Variants in SSX2IP observed in about 807,000 individuals in gnomAD.
The protein encoded by SSX2IP is SSX family member 2 interacting protein.
SSX2IP carries 55 observed loss-of-function variants against 84.9 expected under a neutral mutation model. The ratio of observed to expected loss-of-function variants is 0.65; its 90% confidence interval spans 0.52 to 0.81. SSX2IP has a LOEUF of 0.81. SSX2IP is among the 30% of genes least tolerant of loss of function. The pLI is 0.00. For synonymous variants in SSX2IP, 239 were observed against 234.7 expected, an observed-to-expected ratio of 1.02 and a Z score of -0.17; for missense variants, 664 against 705.2, an observed-to-expected ratio of 0.94 and a Z score of 0.66.
In SSX2IP at chr1:84,670,666, T is replaced by G; in HGVS notation, c.193A>C (p.Ser65Arg). ...AFCTEDNIEQ[S>R]ISYLDQELTT... is the part of the protein sequence containing the mutation. ...GTTACCTGATCAAGATATGAGATAC[T>G]CTGTTCAATATTATCTTCTGTGCAG... The change falls in exon 3 of 14, where the codon AGT becomes CGT. Residue 65 changes from serine (S) to arginine (R), a missense_variant. Physicochemically the swap from Ser to Arg is moderately radical, Grantham distance 110 (BLOSUM62 -1). Transcript: ENST00000342203. 6.2e-7 allele frequency: 1 copy of G among 1,607,988 alleles called. No individual in the cohort carries two copies. Among genetic ancestry groups the G allele is most frequent in the Admixed American group, 1.7e-5 (1 of 59,466 alleles).
chr1:84,672,573 T>C (rs1364246084), intron 1 of SSX2IP, among the ~76,000 whole-genome samples: 1 of 152,170 alleles, frequency 6.6e-6, no homozygotes, highest in African/African-American at 2.4e-5. Context: ...ACACTTAAGA[T>C]CTGTGCACTT....
chr1:84,655,031 C>G (rs779067445), intron 11 of SSX2IP, among the ~76,000 whole-genome samples: 7 of 151,296 alleles, frequency 4.6e-5, no homozygotes, highest in Admixed American at 4.6e-4. Context: ...GGCAAGCAGA[C>G]GAACAAGAGG....
chr1:84,667,917 T>G (rs1652989405), intron 4 of SSX2IP, among the ~76,000 whole-genome samples: 1 of 152,180 alleles, frequency 6.6e-6, no homozygotes, highest in Non-Finnish European at 1.5e-5. Flanking sequence ...TTCCCTGGAC[T>G]GCAATCTCCT....
At position 84,647,531 on chromosome 1, in the gene SSX2IP, A is replaced by G; in HGVS notation, c.1747T>C (p.Trp583Arg). 2 of 1,613,482 alleles carry G rather than the reference A, an allele frequency of 1.2e-6. No individual in the cohort carries two copies. Among genetic ancestry groups the G allele is most frequent in the Non-Finnish European group, 1.7e-6 (2 of 1,179,672 alleles). The change falls in exon 14 of 14, where the codon TGG becomes CGG. Residue 583 changes from tryptophan (W) to arginine (R), a missense_variant. Transcript: ENST00000342203. ...GATCCAGGTCTTGATGCCACACTCC[A>G]TTTTTGATTTGTACATTCTCCTCCA... is the stretch of plus-strand genomic sequence containing the variant. ...QVGGECTNQK[W>R]SVASRPGSQE...
rs1316963213 is a variant in SSX2IP at position 84,655,984 on chromosome 1, C to G, written c.1237G>C (p.Asp413His). 6.2e-7 allele frequency: 1 copy of G among 1,613,048 alleles called. No homozygotes were observed. The highest frequency in any genetic ancestry group is 8.5e-7 in the Non-Finnish European group (1 of 1,179,764). ...LLQQQLATAY[D>H]DDTTSLLRDC... ...CGTAATAGTGAAGTGGTATCATCAT[C>G]ATATGCAGTAGCGAGCTGCTGCTAT... Residue 413 changes from aspartate to histidine, a missense_variant, in exon 11 of 14, where the codon GAT becomes CAT. Transcript: ENST00000342203.
intron 11 of SSX2IP, chr1:84,655,457 A>G: frequency 7.7e-7 from 1 of 1,294,984 alleles, no homozygotes; most frequent in South Asian, 1.2e-5. Context: ...ATTTTTTATT[A>G]TACTTCCTTT....
In SSX2IP at chr1:84,670,831, G is replaced by A. The variant is rs1183177090; in HGVS notation, c.44-16C>T. ...GTTTTGCTTTCTGAAAGAATAAAAG[G>A]CATCTATATAAATAATTTAGAAAAA... On this transcript the variant is annotated splice_polypyrimidine_tract_variant and intron_variant, in intron 2 of 13. Transcript: ENST00000342203. The A allele has an allele frequency of 6.3e-7, 1 of 1,580,678 alleles. No homozygotes were observed. Among genetic ancestry groups the A allele is most frequent in the Non-Finnish European group, 8.6e-7 (1 of 1,163,622 alleles).
intron 2 of SSX2IP, 21 bp downstream of exon 2, chr1:84,671,156 C>T (rs773409000): frequency 1.9e-6 from 3 of 1,604,670 alleles, no homozygotes; most frequent in South Asian, 1.1e-5. Flanking sequence ...CTTTTGTTTA[C>T]AATTATTTAG....
At chr1:84,652,602 C>T (rs968164838) in intron 11 of SSX2IP, among the ~76,000 whole-genome samples, 60 of 151,446 alleles carry the variant, frequency 4.0e-4, no homozygotes, top group South Asian at 6.3e-4. Flanking sequence ...TGGTGGCGTG[C>T]GCCTGTAGTC....
intron 4 of SSX2IP, among the ~76,000 whole-genome samples, chr1:84,668,782 G>C (rs1406709549): frequency 1.3e-5 from 2 of 152,020 alleles, no homozygotes; most frequent in Non-Finnish European, 2.9e-5. Context: ...TAGATGGCGT[G>C]GGGTGGGGGA....
chr1:84,658,535 T>C lies in SSX2IP; in HGVS notation c.928-67A>G. On this transcript the variant is annotated intron_variant, in intron 8 of 13. Coordinates refer to ENST00000342203, the MANE Select transcript of SSX2IP (RefSeq NM_001166293.2). ...CAATGGCTTTAGATGCTCAGGCAAG[T>C]AGTCTTCAGTTTGATTACCAGAGGA... 2.0e-6 allele frequency: 3 copies of C among 1,501,862 alleles called. No individual in the cohort carries two copies. In the South Asian group the frequency reaches 4.0e-5, roughly 20 times the overall value. The allele number at this position is 1,501,862 out of a possible 1,614,324, so 93.0% of individuals were successfully genotyped here. A position where few individuals can be genotyped will look rare whatever the true frequency, so the allele number is the denominator to read the frequency against.
chr1:84,687,552 G>C (rs1045343859), intron 1 of SSX2IP, among the ~76,000 whole-genome samples: 46 of 152,128 alleles, frequency 3.0e-4, no homozygotes, highest in African/African-American at 1.1e-3. Context: ...AGATACTTAA[G>C]AAAGGTTTGT....
intron 11 of SSX2IP, among the ~76,000 whole-genome samples, chr1:84,652,800 T>C (rs187650564): frequency 1.1e-3 from 172 of 151,038 alleles, no homozygotes; most frequent in African/African-American, 4.0e-3. Flanking sequence ...CCAAGGCGGG[T>C]GGATCACGAG....
At chr1:84,671,112 A>C (rs1653511949) in intron 2 of SSX2IP, 65 bp downstream of exon 2, 2 of 1,556,160 alleles carry the variant, frequency 1.3e-6, no homozygotes, top group Non-Finnish European at 1.7e-6. Context: ...ATTATTTTAT[A>C]TTTTCATTGA....
At chr1:84,679,538 T>A (rs141334193) in intron 1 of SSX2IP, among the ~76,000 whole-genome samples, 268 of 152,352 alleles carry the variant, frequency 1.8e-3, no homozygotes, top group Non-Finnish European at 3.1e-3. Context: ...GAAAGTACAG[T>A]GCAAACAATG....
intron 3 of SSX2IP, 75 bp from the exon 4 acceptor site, chr1:84,669,968 T>C: frequency 9.5e-7 from 1 of 1,048,848 alleles, no homozygotes; most frequent in South Asian, 1.5e-5. Context: ...AACTTTCAGT[T>C]AGATAGGAAG....
intron 1 of SSX2IP, among the ~76,000 whole-genome samples, chr1:84,681,780 C>T (rs535258843): frequency 6.6e-6 from 1 of 152,286 alleles, no homozygotes; most frequent in South Asian, 2.1e-4. Flanking sequence ...AGCACCTGTT[C>T]CACATATGTA....
intron 1 of SSX2IP, among the ~76,000 whole-genome samples, chr1:84,676,712 T>G (rs1263412475): frequency 8.2e-6 from 1 of 122,592 alleles, no homozygotes; most frequent in Non-Finnish European, 1.7e-5. Context: ...GACTCTGTGC[T>G]CTTTTCCTTT....
chr1:84,681,421 G>T (rs1655062651), intron 1 of SSX2IP, among the ~76,000 whole-genome samples: 1 of 152,128 alleles, frequency 6.6e-6, no homozygotes, highest in Admixed American at 6.5e-5. Flanking sequence ...AGGTTAATTA[G>T]AACAGTATGA....
Sources: gnomAD v4.1 joint callset for allele counts (sites outside exome capture counted in the v4.1 genomes callset) on GRCh38, gnomAD v4.1.1 for gene constraint, MANE v1.5 for transcripts, NCBI Gene and HGNC (gene_info 2026-07-23, HGNC 2026-07-21) for gene names.